TBC1D4: variants seen among roughly 807,000 people sequenced by gnomAD.
TBC1D4 encodes TBC (Tre-2, BUB2, CDC16) domain-containing protein.
A neutral mutation model predicts 142.5 loss-of-function variants in TBC1D4; 121 were observed. The observed-to-expected ratio is 0.85, with a 90% CI of 0.73 to 0.99. The LOEUF (loss-of-function observed/expected upper bound fraction) is 0.99, where lower values mean the gene tolerates loss of function less well. Ranked by LOEUF, TBC1D4 falls within the 50% of genes least tolerant of loss-of-function variation. The probability of loss-of-function intolerance (pLI) is 0.00; values close to 1 mark genes in which losing one functional copy is unlikely to be tolerated. For missense variants in TBC1D4, 1,475 were observed against 1,606.6 expected (o/e 0.92, Z 1.40); for synonymous variants, 630 against 628.2 (o/e 1.00, Z -0.04).
At chr13:75,423,208 G>C (rs1886239245) in intron 1 of TBC1D4, among the ~76,000 whole-genome samples, 1 of 151,684 alleles carries the variant, frequency 6.6e-6, no homozygotes, top group African/African-American at 2.4e-5. Flanking sequence ...TCATATATCT[G>C]CATTAATTTT....
chr13:75,392,688 T>C (rs193149363), intron 1 of TBC1D4, among the ~76,000 whole-genome samples: 2 of 151,492 alleles, frequency 1.3e-5, no homozygotes, highest in African/African-American at 4.8e-5. Context: ...CCAGCTGGAG[T>C]GCAGTGGCAG....
chr13:75,395,344 G>A (rs143031841), intron 1 of TBC1D4, among the ~76,000 whole-genome samples: 2 of 152,288 alleles, frequency 1.3e-5, no homozygotes, highest in African/African-American at 4.8e-5. Context: ...CAAACTAGAA[G>A]GCCCTTTTCG....
At chr13:75,384,004 T>C (rs1345976892) in intron 1 of TBC1D4, among the ~76,000 whole-genome samples, 1 of 152,134 alleles carries the variant, frequency 6.6e-6, no homozygotes, top group African/African-American at 2.4e-5. Flanking sequence ...GGGATAGCAT[T>C]AGGAGATATA....
intron 1 of TBC1D4, among the ~76,000 whole-genome samples, chr13:75,391,003 C>T (rs1286945337): frequency 6.6e-6 from 1 of 151,132 alleles, no homozygotes; most frequent in Non-Finnish European, 1.5e-5. Flanking sequence ...TATGCACAAA[C>T]ACACTAGCTA....
At chr13:75,315,387 C>CAT (rs1165788414) in intron 12 of TBC1D4, among the ~76,000 whole-genome samples, 4 of 90,206 alleles carry the variant, frequency 4.4e-5, no homozygotes, top group East Asian at 4.1e-4. Flanking sequence ...CACACACACA[C>CAT]ATATATATAT....
intron 17 of TBC1D4, among the ~76,000 whole-genome samples, chr13:75,298,579 C>T (rs1278471637): frequency 1.3e-5 from 2 of 152,062 alleles, no homozygotes; most frequent in African/African-American, 2.4e-5. Flanking sequence ...GGTGAAACCC[C>T]ATCTCTACTA....
intron 15 of TBC1D4, chr13:75,302,876 T>C (rs887299423): frequency 4.8e-6 from 1 of 206,994 alleles, no homozygotes; most frequent in Non-Finnish European, 9.9e-6. Flanking sequence ...AATCCTGATA[T>C]CCCAAAGTGT....
intron 8 of TBC1D4, among the ~76,000 whole-genome samples, chr13:75,328,054 C>A (rs1176844428): frequency 1.3e-5 from 2 of 152,164 alleles, no homozygotes; most frequent in African/African-American, 4.8e-5. Context: ...GATACTCAGA[C>A]CAAGCTTTTT....
chr13:75,440,441 C>T (rs1315281270), intron 1 of TBC1D4, among the ~76,000 whole-genome samples: 1 of 151,946 alleles, frequency 6.6e-6, no homozygotes, highest in East Asian at 1.9e-4. Context: ...GAAAAAAAAA[C>T]ACTGAGCTGT....
intron 8 of TBC1D4, among the ~76,000 whole-genome samples, chr13:75,332,970 T>A (rs1267764903): frequency 1.3e-5 from 2 of 152,360 alleles, no homozygotes; most frequent in African/African-American, 4.8e-5. Context: ...ACTAAACATA[T>A]TCTTATAATG....
intron 1 of TBC1D4, among the ~76,000 whole-genome samples, chr13:75,448,862 T>C (rs993617424): frequency 6.6e-6 from 1 of 152,052 alleles, no homozygotes; most frequent in African/African-American, 2.4e-5. Context: ...TAATAAACTT[T>C]AGCAACTGCT....
At chr13:75,406,084 G>C (rs926146191) in intron 1 of TBC1D4, among the ~76,000 whole-genome samples, 1 of 152,098 alleles carries the variant, frequency 6.6e-6, no homozygotes. Context: ...CGTTCGCTCC[G>C]GCCTTTCAAA....
intron 19 of TBC1D4, among the ~76,000 whole-genome samples, chr13:75,290,210 G>A (rs1875146631): frequency 6.6e-6 from 1 of 151,922 alleles, no homozygotes; most frequent in Admixed American, 6.6e-5. Flanking sequence ...AAAGAAACAT[G>A]TAATACAAAG....
At chr13:75,385,002 G>C (rs1884086044) in intron 1 of TBC1D4, among the ~76,000 whole-genome samples, 1 of 152,096 alleles carries the variant, frequency 6.6e-6, no homozygotes, top group Non-Finnish European at 1.5e-5. Flanking sequence ...TGCCCATAAG[G>C]CACATCAGCA....
intron 1 of TBC1D4, among the ~76,000 whole-genome samples, chr13:75,405,269 C>CTTTTTT (rs5804811): frequency 1.6e-5 from 2 of 126,910 alleles, no homozygotes; most frequent in Non-Finnish European, 3.2e-5. Context: ...TGTATATATG[C>CTTTTTT]TTTTTTTTTT....
intron 1 of TBC1D4, among the ~76,000 whole-genome samples, chr13:75,371,475 T>TA (rs1227107895): frequency 2.0e-5 from 3 of 152,210 alleles, no homozygotes; most frequent in Non-Finnish European, 4.4e-5. Context: ...GATGGGAGTT[T>TA]ATAGCATTTC....
rs1883718060 is a variant in TBC1D4 at position 75,379,885 on chromosome 13, C to CTTTTTTTTTTT, written c.499-17279_499-17278insAAAAAAAAAAA. ...AAGTATATCAGTTTTGTTCATCTGACTCTTTTTTTTTTTTTTTTTTTTTTT... is the reference window on the plus strand; with the variant it reads ...AAGTATATCAGTTTTGTTCATCTGACTTTTTTTTTTTTCTTTTTTTTTTTTTTTTTTTTTTT... On this transcript the variant is annotated intron_variant, in intron 1 of 20. Transcript: ENST00000377636. Among the ~76,000 whole-genome samples the CTTTTTTTTTTT allele has an allele frequency of 2.0e-5, 2 of 98,536 alleles. 1 individual carries two copies. The allele number at this position is 98,536 out of a possible 152,430, so 64.6% of individuals were successfully genotyped here. A position where few individuals can be genotyped will look rare whatever the true frequency, so the allele number is the denominator to read the frequency against.
At chr13:75,312,639 A>G in intron 13 of TBC1D4, 99 bp downstream of exon 13, 1 of 1,473,320 alleles carries the variant, frequency 6.8e-7, no homozygotes, top group Non-Finnish European at 9.4e-7. Context: ...ATATTTCTAC[A>G]CTGTAATCAC....
chr13:75,460,163 A>AT, intron 1 of TBC1D4, among the ~76,000 whole-genome samples: 2 of 143,858 alleles, frequency 1.4e-5, no homozygotes, highest in East Asian at 3.3e-4. Context: ...ATAAAAAAAA[A>AT]AAATAATAAT....
Sources: allele counts gnomAD v4.1 joint callset (sites outside exome capture counted in the v4.1 genomes callset), GRCh38; gene constraint gnomAD v4.1.1; transcripts MANE v1.5; gene names NCBI Gene and HGNC (gene_info 2026-07-23, HGNC 2026-07-21).